Variants in NGLY1 observed in about 807,000 individuals in gnomAD.
NGLY1 encodes N-glycanase 1, also known as peptide-N(4)-(N-acetyl-beta-glucosaminyl)asparagine amidase.
In NGLY1, 68 loss-of-function variants were observed where a neutral mutation model predicts 84.6. That is an observed-to-expected ratio of 0.80 (90% CI 0.66 to 0.98). The LOEUF (loss-of-function observed/expected upper bound fraction) is 0.98, where lower values mean the gene tolerates loss of function less well. NGLY1 is among the 50% of genes least tolerant of loss of function. The pLI, the probability that NGLY1 is intolerant of heterozygous loss-of-function variation, is 0.00. For synonymous variants in NGLY1, 280 were observed against 275.2 expected, an observed-to-expected ratio of 1.02 and a Z score of -0.17; for missense variants, 779 against 770.2, an observed-to-expected ratio of 1.01 and a Z score of -0.14.
chr3:25,726,200 C>A (rs1481909683), intron 10 of NGLY1, among the ~76,000 whole-genome samples: 2 of 152,072 alleles, frequency 1.3e-5, no homozygotes, highest in Non-Finnish European at 2.9e-5. Context: ...CTCTACATAG[C>A]CCTAGGGTGA....
Position 25,722,137 on chromosome 3 carries a change from G to C in NGLY1, c.1612-1946C>G, listed in dbSNP as rs187173598. On this transcript the variant is annotated intron_variant, in intron 10 of 11. Coordinates refer to ENST00000280700, the MANE Select transcript of NGLY1 (RefSeq NM_018297.4). The stretch of plus-strand genomic sequence containing the variant: ...GGAGGCTGATACATGAATATTGCTT[G>C]AACTAGGGAGGCAGAGGTTGCAGTG... Among the ~76,000 whole-genome samples, 315 of 151,864 alleles carry C rather than the reference G, an allele frequency of 2.1e-3. 2 individuals are homozygous for C. Among genetic ancestry groups the C allele is most frequent in the African/African-American group, 7.2e-3 (296 of 41,374 alleles).
Position 25,729,236 on chromosome 3 carries a change from C to T in NGLY1, c.1508G>A (p.Arg503His), listed in dbSNP as rs139134926. 414 of 1,554,868 alleles carry T rather than the reference C, an allele frequency of 2.7e-4. 1 individual carries two copies. The African/African-American group carries it at 4.9e-3, about 18-fold the overall frequency. ...ATTGTTATTTGAAACTCGAACATAA[C>T]GATCTTTCACAATATTGTAACAAAG... ...LHLCYNIVKD[R>H]YVRVSNNNQT... The change falls in exon 10 of 12, where the codon CGT becomes CAT. Residue 503 changes from arginine (R) to histidine (H), a missense_variant. Arg to His is a conservative substitution (Grantham distance 29). Coordinates refer to ENST00000280700, the MANE Select transcript of NGLY1 (RefSeq NM_018297.4).
At chr3:25,736,256 T>G in intron 6 of NGLY1, 107 bp from the exon 7 acceptor site, 1 of 1,552,388 alleles carries the variant, frequency 6.4e-7, no homozygotes. Context: ...ATGCATAATA[T>G]TCTGAATTTC....
upstream of NGLY1, among the ~76,000 whole-genome samples, chr3:25,787,500 T>G (rs953644461): frequency 6.6e-6 from 1 of 152,206 alleles, no homozygotes; most frequent in African/African-American, 2.4e-5. Context: ...AAAAGTTTTC[T>G]ATGGCTCCCT....
At chr3:25,740,492 A>C (rs748314115) in intron 4 of NGLY1, among the ~76,000 whole-genome samples, 9 of 152,212 alleles carry the variant, frequency 5.9e-5, no homozygotes, top group Non-Finnish European at 1.0e-4. Flanking sequence ...TCTTAAAAAC[A>C]TATATAGGGG....
chr3:25,745,368 C>A (rs1179197584), intron 4 of NGLY1, among the ~76,000 whole-genome samples: 1 of 152,176 alleles, frequency 6.6e-6, no homozygotes, highest in Non-Finnish European at 1.5e-5. Flanking sequence ...ATCTCATTTA[C>A]CTGCATGGCT....
In NGLY1 at chr3:25,783,091, G is replaced by GC; in HGVS notation, c.131+168dup. On this transcript the variant is annotated intron_variant, in intron 1 of 11. Transcript: ENST00000280700. This position sits in a 1 kb window ranked among gnomAD's most constrained non-coding sequence, Gnocchi z 4.5. ...GGGTGGGACTTGGCCGGGTCCCGAG[G>GC]CCCCTGGCCGGCGGGCTCGGACGTT... is the stretch of plus-strand genomic sequence containing the variant. 1 of 594,860 alleles carries GC rather than the reference G, an allele frequency of 1.7e-6. No individual in the cohort carries two copies. The highest frequency in any genetic ancestry group is 2.2e-5 in the South Asian group (1 of 45,786). The allele number at this position is 594,860 out of a possible 1,614,324, so 36.8% of individuals were successfully genotyped here. A position where few individuals can be genotyped will look rare whatever the true frequency, so the allele number is the denominator to read the frequency against.
At chr3:25,772,019 T>C (rs574371693) in intron 2 of NGLY1, among the ~76,000 whole-genome samples, 14 of 152,310 alleles carry the variant, frequency 9.2e-5, no homozygotes, top group African/African-American at 2.9e-4. Context: ...ATGTTCTTGA[T>C]TTCTTTCTCT....
At chr3:25,728,793 AATGT>A (rs1705389803) in intron 10 of NGLY1, among the ~76,000 whole-genome samples, 1 of 152,092 alleles carries the variant, frequency 6.6e-6, no homozygotes, top group African/African-American at 2.4e-5. Flanking sequence ...TTCACAATAT[AATGT>A]ATTTATATAT....
chr3:25,759,763 T>C (rs887594635), intron 3 of NGLY1, among the ~76,000 whole-genome samples: 107 of 152,212 alleles, frequency 7.0e-4, no homozygotes, highest in African/African-American at 2.5e-3. Context: ...AAAGAGATTT[T>C]TCCTTCACTA....
At chr3:25,755,376 G>A in intron 3 of NGLY1, 6 of 1,354,256 alleles carry the variant, frequency 4.4e-6, no homozygotes, top group Non-Finnish European at 6.4e-6. Flanking sequence ...GGTGCTGTTA[G>A]TAGCAAACCT....
upstream of NGLY1, among the ~76,000 whole-genome samples, chr3:25,785,425 T>C (rs1435802303): frequency 6.6e-6 from 1 of 152,134 alleles, no homozygotes; most frequent in African/African-American, 2.4e-5. Context: ...TTAATTTGGG[T>C]TTCTTTTTCC....
intron 9 of NGLY1, among the ~76,000 whole-genome samples, chr3:25,731,811 A>G (rs1406168718): frequency 1.3e-5 from 2 of 152,174 alleles, no homozygotes; most frequent in African/African-American, 4.8e-5. Flanking sequence ...CAAGCTATAT[A>G]CAAAACAGTA....
intron 2 of NGLY1, among the ~76,000 whole-genome samples, chr3:25,766,124 G>A (rs937561837): frequency 2.0e-5 from 3 of 151,580 alleles, no homozygotes; most frequent in African/African-American, 7.3e-5. Flanking sequence ...GGAGTGCAGT[G>A]GTGTGATCTC....
chr3:25,762,458 G>A (rs1707364484), intron 3 of NGLY1, among the ~76,000 whole-genome samples: 1 of 152,164 alleles, frequency 6.6e-6, no homozygotes, highest in Non-Finnish European at 1.5e-5. Context: ...AAGATATTTT[G>A]TGTGAAGGAC....
At chr3:25,732,590 C>T (rs1705597956) in intron 8 of NGLY1, 107 bp from the exon 9 acceptor site, 16 of 689,924 alleles carry the variant, frequency 2.3e-5, no homozygotes, top group Non-Finnish European at 3.5e-5. Context: ...GGTCTTGAAA[C>T]AAGTACTGAA....
upstream of NGLY1, among the ~76,000 whole-genome samples, chr3:25,783,753 G>A (rs1708537185): frequency 6.6e-6 from 1 of 152,136 alleles, no homozygotes; most frequent in South Asian, 2.1e-4. The surrounding 1 kb of genome is among the most constrained non-coding windows in gnomAD (Gnocchi z 4.5). Context: ...TCGACCCAGA[G>A]TTGGGGCCTG....
rs761035118 is a variant in NGLY1 at position 25,732,444 on chromosome 3, G to A, written c.1300C>T (p.Leu434Phe). 38 of 1,613,458 alleles carry A rather than the reference G, an allele frequency of 2.4e-5. No homozygotes were observed. Among genetic ancestry groups the A allele is most frequent in the Non-Finnish European group, 3.2e-5 (38 of 1,179,662 alleles). ...ACAAGCTCCACAATTATCCTCTGGA[G>A]AAGTTCTTTCCTTCTGTTTTCTGAC... ...FLSENRRKEL[L>F]QRIIVELVEF... is the part of the protein sequence containing the mutation. The change falls in exon 9 of 12, where the codon CTC becomes TTC. Residue 434 changes from leucine (L) to phenylalanine (F), a missense_variant. By Grantham distance (22) the Leu-to-Phe change is conservative. Transcript: ENST00000280700.
intron 4 of NGLY1, chr3:25,749,791 CAAT>C (rs781050489): frequency 1.7e-5 from 23 of 1,335,408 alleles, no homozygotes; most frequent in Non-Finnish European, 2.3e-5. Context: ...AGATTGCTCA[CAAT>C]GTTTCCTCCA....
Sources: allele counts gnomAD v4.1 joint callset (sites outside exome capture counted in the v4.1 genomes callset), GRCh38; gene constraint gnomAD v4.1.1; non-coding constraint Gnocchi (gnomAD v3.1); transcripts MANE v1.5; gene names NCBI Gene and HGNC (gene_info 2026-07-23, HGNC 2026-07-21).